The following DPH6 variants were observed in gnomAD, a reference collection of about 807,000 sequenced individuals.
DPH6 encodes diphthine--ammonia ligase.
DPH6 carries 33 observed loss-of-function variants against 38.2 expected under a neutral mutation model. The ratio of observed to expected loss-of-function variants is 0.86; its 90% CI spans 0.65 to 1.15. DPH6 has a LOEUF of 1.15. Among genes scored for constraint, DPH6 ranks in the 50% most tolerant of loss-of-function variants. DPH6 has a pLI of 0.00. For synonymous variants in DPH6, 108 were observed against 103.0 expected, an observed-to-expected ratio of 1.05 and a Z score of -0.30; for missense variants, 325 against 320.0, an observed-to-expected ratio of 1.02 and a Z score of -0.12.
intron 3 of DPH6, among the ~76,000 whole-genome samples, chr15:35,305,244 C>G (rs1209998629): frequency 6.6e-6 from 1 of 152,060 alleles, no homozygotes; most frequent in East Asian, 1.9e-4. Flanking sequence ...TAACTCTTTT[C>G]TAGGGTGTGT....
intron 3 of DPH6, among the ~76,000 whole-genome samples, chr15:35,333,235 A>C (rs1424320354): frequency 6.6e-6 from 1 of 152,194 alleles, no homozygotes; most frequent in Non-Finnish European, 1.5e-5. Flanking sequence ...TGGTGATGCA[A>C]TGTGGCCAAT....
intron 3 of DPH6, chr15:35,521,019 G>C (rs577926979): frequency 2.0e-6 from 2 of 985,154 alleles, no homozygotes; most frequent in Non-Finnish European, 2.4e-6. Context: ...AAATCAAAAG[G>C]AGGGGAAGGG....
chr15:35,470,490 G>A (rs916687063), intron 3 of DPH6, among the ~76,000 whole-genome samples: 1 of 152,148 alleles, frequency 6.6e-6, no homozygotes, highest in Non-Finnish European at 1.5e-5. Flanking sequence ...GAAAAGGGGA[G>A]ATGAGAAAGA....
chr15:35,319,769 T>A (rs985002719), intron 3 of DPH6, among the ~76,000 whole-genome samples: 1 of 151,414 alleles, frequency 6.6e-6, no homozygotes, highest in African/African-American at 2.4e-5. Flanking sequence ...TACATATATT[T>A]ATTTATAATA....
intron 3 of DPH6, among the ~76,000 whole-genome samples, chr15:35,525,598 A>AGG (rs1453606738): frequency 6.6e-6 from 1 of 152,146 alleles, no homozygotes; most frequent in African/African-American, 2.4e-5. Flanking sequence ...AGTAGCTGTT[A>AGG]AACTTTTGAA....
intron 3 of DPH6, among the ~76,000 whole-genome samples, chr15:35,357,731 A>C (rs1595498551): frequency 6.6e-6 from 1 of 152,148 alleles, no homozygotes; most frequent in East Asian, 1.9e-4. Flanking sequence ...TCGCTTGTAG[A>C]GTTTCTGCTG....
At chr15:35,237,003 G>A (rs1473786803) in intron 3 of DPH6, 1 of 274,074 alleles carries the variant, frequency 3.6e-6, no homozygotes, top group Non-Finnish European at 6.8e-6. Flanking sequence ...TACATAATCT[G>A]GTGAGTTGTT....
intron 5 of DPH6, among the ~76,000 whole-genome samples, chr15:35,421,608 T>A (rs2053506197): frequency 6.6e-6 from 1 of 152,170 alleles, no homozygotes; most frequent in Non-Finnish European, 1.5e-5. Context: ...CCTGAAACAT[T>A]TTCCTAATCT....
At chr15:35,274,137 A>G (rs1393990615) in intron 3 of DPH6, among the ~76,000 whole-genome samples, 1 of 152,220 alleles carries the variant, frequency 6.6e-6, no homozygotes, top group East Asian at 1.9e-4. Flanking sequence ...AACCTGACAA[A>G]AACAAGCAAT....
chr15:35,491,379 C>CTTATA (rs2054475360), intron 3 of DPH6, among the ~76,000 whole-genome samples: 2 of 152,022 alleles, frequency 1.3e-5, no homozygotes, highest in Non-Finnish European at 2.9e-5. Context: ...GAAAAATTTT[C>CTTATA]TACAATGGAG....
intron 6 of DPH6, among the ~76,000 whole-genome samples, chr15:35,392,881 T>C (rs958978134): frequency 6.6e-6 from 1 of 152,166 alleles, no homozygotes; most frequent in Non-Finnish European, 1.5e-5. Context: ...TAGAAGAAAC[T>C]GCATGTGTTA....
At chr15:35,477,870 T>C (rs1463799735) in intron 3 of DPH6, among the ~76,000 whole-genome samples, 1 of 151,944 alleles carries the variant, frequency 6.6e-6, no homozygotes, top group Non-Finnish European at 1.5e-5. Flanking sequence ...GGAAATGTTA[T>C]TTTAATGAAT....
chr15:35,348,041 G>GA (rs1210681063), intron 3 of DPH6, among the ~76,000 whole-genome samples: 1 of 151,910 alleles, frequency 6.6e-6, no homozygotes, highest in Non-Finnish European at 1.5e-5. Context: ...ATATATTCTG[G>GA]AATATTAACC....
chr15:35,411,201 C>G (rs958543890), intron 5 of DPH6, among the ~76,000 whole-genome samples: 4 of 151,500 alleles, frequency 2.6e-5, no homozygotes, highest in Admixed American at 6.6e-5. Context: ...AAAAGAGTAT[C>G]ATTTCAATTA....
At chr15:35,290,719 C>T (rs1438996011) in intron 3 of DPH6, among the ~76,000 whole-genome samples, 1 of 152,132 alleles carries the variant, frequency 6.6e-6, no homozygotes, top group Non-Finnish European at 1.5e-5. Context: ...GTCCCCCTTT[C>T]TGCCACTTAA....
chr15:35,398,621 C>G (rs2053177978), intron 6 of DPH6, among the ~76,000 whole-genome samples: 1 of 152,180 alleles, frequency 6.6e-6, no homozygotes, highest in Admixed American at 6.5e-5. Context: ...TAAACTATAT[C>G]CTTTATGAAT....
chr15:35,367,284 T>C (rs1208465811), downstream of DPH6, among the ~76,000 whole-genome samples: 1 of 151,910 alleles, frequency 6.6e-6, no homozygotes, highest in Non-Finnish European at 1.5e-5. Context: ...TAAATTCCTG[T>C]GAACTTTGTC....
intron 3 of DPH6, among the ~76,000 whole-genome samples, chr15:35,226,744 G>A (rs750083933): frequency 1.3e-5 from 2 of 152,210 alleles, no homozygotes; most frequent in Non-Finnish European, 2.9e-5. Context: ...CAGTTAAAAT[G>A]TTCAGACTAC....
At chr15:35,174,386 CATT>C in the DPH6 span, among the ~76,000 whole-genome samples, 2 of 152,150 alleles carry the variant, frequency 1.3e-5, no homozygotes, top group African/African-American at 4.8e-5. Flanking sequence ...TGCTTTCAAT[CATT>C]GAGTCCTTTT....
Sources: gnomAD v4.1 joint callset for allele counts (sites outside exome capture counted in the v4.1 genomes callset) on GRCh38, gnomAD v4.1.1 for gene constraint, MANE v1.5 for transcripts, NCBI Gene and HGNC (gene_info 2026-07-23, HGNC 2026-07-21) for gene names.